SRGAP3: variants seen among roughly 807,000 people sequenced by gnomAD.
SRGAP3 encodes SLIT-ROBO Rho GTPase-activating protein 3.
SRGAP3 carries 39 observed loss-of-function variants against 121.1 expected under a neutral mutation model. The ratio of observed to expected loss-of-function variants is 0.32; its 90% CI spans 0.25 to 0.42. SRGAP3 has a LOEUF of 0.42. SRGAP3 is among the 10% of genes least tolerant of loss of function. SRGAP3 has a pLI of 1.00. For missense variants in SRGAP3, 1,213 were observed against 1,470.6 expected, an observed-to-expected ratio of 0.82 and a Z score of 2.86; for synonymous variants, 601 against 570.0, an observed-to-expected ratio of 1.05 and a Z score of -0.77.
At chr3:9,252,281 AC>A (rs1954035119), upstream of SRGAP3, among the ~76,000 whole-genome samples, 1 of 152,000 alleles carries the variant, frequency 6.6e-6, no homozygotes, top group African/African-American at 2.4e-5. Context: ...AGCCTGCAGA[AC>A]CATGAGCCAA....
chr3:9,167,821 C>T (rs952861043), intron 1 of SRGAP3, among the ~76,000 whole-genome samples: 4 of 152,200 alleles, frequency 2.6e-5, no homozygotes, highest in Non-Finnish European at 4.4e-5. Flanking sequence ...ATCTTTCAGT[C>T]CTCAGCATGC....
chr3:9,111,163 G>A (rs1310290415), intron 2 of SRGAP3, among the ~76,000 whole-genome samples: 2 of 152,268 alleles, frequency 1.3e-5, no homozygotes, highest in African/African-American at 4.8e-5. Context: ...GGAGCAGACA[G>A]TCTGGTGAAG....
intron 20 of SRGAP3, among the ~76,000 whole-genome samples, chr3:8,992,190 A>G (rs1942097428): frequency 6.6e-6 from 1 of 152,246 alleles, no homozygotes; most frequent in Non-Finnish European, 1.5e-5. Flanking sequence ...GGCTGACCAC[A>G]TGACCCCTCC....
chr3:9,347,446 A>G (rs965575017), intron 1 of SRGAP3, among the ~76,000 whole-genome samples: 13 of 152,066 alleles, frequency 8.5e-5, no homozygotes, highest in Admixed American at 2.0e-4. Context: ...TATATGCAGG[A>G]CTCTGTTAAA....
chr3:9,230,261 A>C (rs914332597), intron 1 of SRGAP3, among the ~76,000 whole-genome samples: 1 of 152,226 alleles, frequency 6.6e-6, no homozygotes, highest in South Asian at 2.1e-4. Context: ...ACACTTGCCC[A>C]AAGTCACACG....
intron 1 of SRGAP3, among the ~76,000 whole-genome samples, chr3:9,221,055 A>G (rs1373910179): frequency 6.6e-6 from 1 of 152,116 alleles, no homozygotes; most frequent in Admixed American, 6.5e-5. Context: ...TGGCCAGGAC[A>G]TGCATCTGCC....
intron 1 of SRGAP3, among the ~76,000 whole-genome samples, chr3:9,242,454 G>A (rs987050657): frequency 3.9e-5 from 6 of 152,142 alleles, no homozygotes; most frequent in African/African-American, 1.4e-4. Context: ...GGGCAACATG[G>A]TGAAACTCCA....
In SRGAP3 at chr3:9,305,422, T is replaced by C. The variant is rs533277415; in HGVS notation, n.442+20588A>G. 3.4e-3 allele frequency among the ~76,000 whole-genome samples: 517 copies of C among 151,704 alleles called. 1 individual carries two copies. The highest frequency in any genetic ancestry group is 6.5e-3 in the Non-Finnish European group (444 of 67,936). On this transcript the variant is annotated intron_variant and non_coding_transcript_variant, in intron 3 of 3. Coordinates refer to the SRGAP3 transcript ENST00000490889. Reference sequence around the variant, plus strand: ...TTGCTGTTTTTTATTTTTATTTTTTTATTATACTTTAAGTTCTAGGGTACA... The same window carrying C: ...TTGCTGTTTTTTATTTTTATTTTTTCATTATACTTTAAGTTCTAGGGTACA...
chr3:9,008,627 C>T (rs1435138317), intron 18 of SRGAP3, among the ~76,000 whole-genome samples: 1 of 152,126 alleles, frequency 6.6e-6, no homozygotes, highest in Non-Finnish European at 1.5e-5. Flanking sequence ...AGCAAATCAC[C>T]AGGAATAAGC....
intron 2 of SRGAP3, among the ~76,000 whole-genome samples, chr3:9,326,631 T>C (rs748822068): frequency 6.6e-6 from 1 of 151,758 alleles, no homozygotes; most frequent in African/African-American, 2.4e-5. Flanking sequence ...GCTTCTCCAA[T>C]TTAGGTGCAC....
Position 9,019,372 on chromosome 3 carries a change from A to G in SRGAP3, c.1679-3641T>C, listed in dbSNP as rs144682227. Among the ~76,000 whole-genome samples the G allele has an allele frequency of 3.6e-3, 556 of 152,332 alleles. 3 individuals are homozygous for G. Among genetic ancestry groups the G allele is most frequent in the African/African-American group, 0.013 (532 of 41,560 alleles). On this transcript the variant is annotated intron_variant, in intron 14 of 21. Transcript: ENST00000383836. ...TCCACAGCCCTGCCCCTGGCATATC[A>G]TCAGTGTTTTGAATTTTTGCCAGTT...
At chr3:9,176,199 C>A (rs541883870) in intron 1 of SRGAP3, among the ~76,000 whole-genome samples, 2 of 152,090 alleles carry the variant, frequency 1.3e-5, no homozygotes, top group African/African-American at 4.8e-5. Context: ...GGATTACAGG[C>A]GTGAGCAACC....
At chr3:9,141,760 C>T (rs1474973404) in intron 1 of SRGAP3, among the ~76,000 whole-genome samples, 1 of 152,108 alleles carries the variant, frequency 6.6e-6, no homozygotes, top group Non-Finnish European at 1.5e-5. Context: ...TCAAGCAACC[C>T]CTTTCGGTCA....
intron 3 of SRGAP3, among the ~76,000 whole-genome samples, chr3:9,279,978 A>G (rs1954648535): frequency 6.6e-6 from 1 of 152,226 alleles, no homozygotes; most frequent in Non-Finnish European, 1.5e-5. Context: ...GCCCATAGCC[A>G]AAAGACCCAA....
chr3:9,347,522 G>A (rs1313601767), intron 1 of SRGAP3, among the ~76,000 whole-genome samples: 1 of 152,170 alleles, frequency 6.6e-6, no homozygotes, highest in Non-Finnish European at 1.5e-5. Context: ...AGGCTGTGTT[G>A]AGAACTACAT....
chr3:9,300,699 C>G (rs73124620), intron 3 of SRGAP3, among the ~76,000 whole-genome samples: 3,060 of 152,156 alleles, frequency 0.02, 104 homozygotes, highest in African/African-American at 0.07. Context: ...AATTTTGTCC[C>G]CCAGGAGATA....
intron 2 of SRGAP3, among the ~76,000 whole-genome samples, chr3:9,108,352 C>T (rs1948490955): frequency 6.6e-6 from 1 of 152,164 alleles, no homozygotes; most frequent in African/African-American, 2.4e-5. Context: ...GGTGCAGTGG[C>T]TCGTGCCTGA....
chr3:9,313,077 G>C lies in SRGAP3; in HGVS notation n.442+12933C>G, dbSNP rs1156573161. On this transcript the variant is annotated intron_variant and non_coding_transcript_variant, in intron 3 of 3. Coordinates refer to the SRGAP3 transcript ENST00000490889. ...CATTGCTCCCCATCTACAAGGCTGG[G>C]GGTGATCTGCAATCTACCCATGTTC... Among the ~76,000 whole-genome samples the C allele has an allele frequency of 2.0e-5, 3 of 152,038 alleles. No individual in the cohort carries two copies. The East Asian group carries it at 5.8e-4, about 29-fold the overall frequency.
intron 3 of SRGAP3, among the ~76,000 whole-genome samples, chr3:9,088,855 T>C (rs922279700): frequency 6.6e-6 from 1 of 152,156 alleles, no homozygotes; most frequent in Non-Finnish European, 1.5e-5. Context: ...TCAAGTACGG[T>C]GGCCCCTTCG....
Sources: allele counts gnomAD v4.1 joint callset (sites outside exome capture counted in the v4.1 genomes callset), GRCh38; gene constraint gnomAD v4.1.1; transcripts MANE v1.5; gene names NCBI Gene and HGNC (gene_info 2026-07-23, HGNC 2026-07-21).